HEXD: variants seen among roughly 807,000 people sequenced by gnomAD.
HEXD encodes N-acetyl-beta-galactosaminidase.
Under a neutral mutation model 54.2 loss-of-function variants are expected in HEXD, and 47 were observed. The observed-to-expected ratio is 0.87, with a 90% confidence interval of 0.69 to 1.11. The LOEUF (loss-of-function observed/expected upper bound fraction) is 1.11. HEXD is among the 50% of genes least tolerant of loss of function. The pLI is 0.00. For synonymous variants in HEXD, 293 were observed against 287.6 expected (o/e 1.02, Z -0.19); for missense variants, 576 against 649.2 (o/e 0.89, Z 1.23).
chr17:82,437,016 C>T (rs1345289114), intron 7 of HEXD, 152 bp from the exon 8 acceptor site: 22 of 739,076 alleles, frequency 3.0e-5, no homozygotes, highest in South Asian at 1.7e-4. Flanking sequence ...CCGGGCCGGC[C>T]GCATACACTC....
intron 4 of HEXD, among the ~76,000 whole-genome samples, chr17:82,432,882 T>C (rs1325725453): frequency 1.4e-5 from 2 of 144,808 alleles, no homozygotes; most frequent in East Asian, 2.2e-4. Flanking sequence ...GCTAACACGG[T>C]GAAACCCCGT....
Position 82,433,124 on chromosome 17 carries a change from ATATATT to A in HEXD, c.283-532_283-527del, listed in dbSNP as rs1460045472. ...TATATATATATATATATATATATAT[ATATATT>A]TTTTTTTTTTTTTTATATATATATT... is the stretch of plus-strand genomic sequence containing the variant. On this transcript the variant is annotated intron_variant, in intron 4 of 12. Transcript: ENST00000327949. Among the ~76,000 whole-genome samples, 20 of 16,038 alleles carry A rather than the reference ATATATT, an allele frequency of 1.2e-3. 2 individuals carry two copies. The Admixed American group carries it at 0.019, about 15-fold the overall frequency. The allele number at this position is 16,038 out of a possible 152,430, so 10.5% of individuals were successfully genotyped here.
In HEXD at chr17:82,436,733, G is replaced by A; in HGVS notation, c.698G>A (p.Gly233Asp). Residue 233 changes from glycine (G) to aspartate (D), a missense_variant, in exon 7 of 13, where the codon GGC becomes GAC. Coordinates refer to ENST00000327949, the MANE Select transcript of HEXD (RefSeq NM_001330542.2). The stretch of plus-strand genomic sequence containing the variant: ...TACACGGCCGACCTGGATGTGCACG[G>A]CAAGGGTCAGTGCCAAGTTGTGGGG... ...WDYTADLDVH[G>D]KVLLMQKYRR... The A allele has an allele frequency of 6.2e-7, 1 of 1,611,784 alleles. No individual in the cohort carries two copies. Among genetic ancestry groups the A allele is most frequent in the Non-Finnish European group, 8.5e-7 (1 of 1,179,220 alleles).
chr17:82,419,895 C>T lies in HEXD; in HGVS notation c.84+12C>T. ...CGTACCTCTCAGAGGTAAGGACTCCCTTTTACCTCTAGAGCATTACTTTTT... is the reference window on the plus strand; with the variant it reads ...CGTACCTCTCAGAGGTAAGGACTCCTTTTTACCTCTAGAGCATTACTTTTT... On this transcript the variant is annotated intron_variant, in intron 2 of 12. Transcript: ENST00000327949. 1 of 1,539,670 alleles carries T rather than the reference C, an allele frequency of 6.5e-7. No homozygotes were observed. Among genetic ancestry groups the T allele is most frequent in the Non-Finnish European group, 9.0e-7 (1 of 1,113,808 alleles).
At chr17:82,418,808 C>T (rs2053144251) in intron 1 of HEXD, 68 bp downstream of exon 1, 1 of 152,428 alleles carries the variant, frequency 6.6e-6, no homozygotes. Flanking sequence ...AGCGTTTCCC[C>T]CGCGCCAGTA....
intron 8 of HEXD, among the ~76,000 whole-genome samples, chr17:82,438,573 C>T (rs976945627): frequency 5.3e-5 from 8 of 152,228 alleles, no homozygotes; most frequent in Non-Finnish European, 7.3e-5. Flanking sequence ...AACCCCTGGT[C>T]GCCGGCCAAG....
chr17:82,429,342 A>G (rs2053511362), intron 4 of HEXD, among the ~76,000 whole-genome samples: 1 of 151,954 alleles, frequency 6.6e-6, no homozygotes, highest in African/African-American at 2.4e-5. Flanking sequence ...CACCGATTTA[A>G]TGGCTCTTAG....
rs1202649689 is a variant in HEXD, at chr17:82,434,579, T to A, written c.447+757T>A. On this transcript the variant is annotated intron_variant, in intron 5 of 12. Transcript: ENST00000327949. The surrounding 1 kb of genome is among the most constrained non-coding windows in gnomAD (Gnocchi z 4.5). ...TAGGCTGGGTGTGGTGGCTCACGCCTGTAATCCCAGCACTTTGGGAGACCA... is the reference window on the plus strand; with the variant it reads ...TAGGCTGGGTGTGGTGGCTCACGCCAGTAATCCCAGCACTTTGGGAGACCA... 6.6e-6 allele frequency among the ~76,000 whole-genome samples: 1 copy of A among 152,254 alleles called. No homozygotes were observed. The highest frequency in any genetic ancestry group is 2.4e-5 in the African/African-American group (1 of 41,472).
intron 2 of HEXD, among the ~76,000 whole-genome samples, chr17:82,423,812 C>CAAA (rs570299369): frequency 1.1e-5 from 1 of 91,240 alleles, no homozygotes; most frequent in Non-Finnish European, 2.3e-5. Context: ...GACTCCATCT[C>CAAA]AAAAAAAAAA....
At chr17:82,432,722 GGTGCCACCACACC>G (rs2053607183) in intron 4 of HEXD, among the ~76,000 whole-genome samples, 1 of 151,874 alleles carries the variant, frequency 6.6e-6, no homozygotes, top group African/African-American at 2.4e-5. Flanking sequence ...ACCACAGGCA[GGTGCCACCACACC>G]TGGCCACTTT....
chr17:82,418,558 C>T lies in HEXD; in HGVS notation c.-234C>T. On this transcript the variant is annotated 5_prime_UTR_variant, in exon 1 of 13. Coordinates refer to ENST00000327949, the MANE Select transcript of HEXD (RefSeq NM_001330542.2). ...GGGACGAACGCCGTAACAGGGAGCG[C>T]GAGGCAGGCACGGCGCAGGGACGCG... 1.2e-6 allele frequency: 1 copy of T among 839,910 alleles called. No individual in the cohort carries two copies. The highest frequency in any genetic ancestry group is 1.6e-6 in the Non-Finnish European group (1 of 621,774). 52.0% of individuals were successfully genotyped at this position (839,910 alleles called of 1,614,324 possible). A position where few individuals can be genotyped will look rare whatever the true frequency, so the allele number is the denominator to read the frequency against.
intron 4 of HEXD, among the ~76,000 whole-genome samples, chr17:82,429,560 G>C (rs6502110): frequency 0.48 from 73,023 of 151,870 alleles, 19,242 homozygotes; most frequent in East Asian, 0.9. Flanking sequence ...CTCCTGCCAC[G>C]TATCCACAGA....
chr17:82,440,971 A>C, intron 9 of HEXD, 26 bp from the exon 10 acceptor site: 1 of 1,612,492 alleles, frequency 6.2e-7, no homozygotes, highest in Non-Finnish European at 8.5e-7. Flanking sequence ...GGCCCCTCCA[A>C]CCGCCCCGCT....
chr17:82,437,625 C>CTGTGTGTG (rs5822529), intron 8 of HEXD, among the ~76,000 whole-genome samples: 1 of 150,892 alleles, frequency 6.6e-6, no homozygotes, highest in Non-Finnish European at 1.5e-5. Context: ...GCACCTGAGG[C>CTGTGTGTG]TGTGTGTGTG....
intron 4 of HEXD, among the ~76,000 whole-genome samples, chr17:82,431,054 G>A (rs189857831): frequency 7.3e-4 from 108 of 147,758 alleles, no homozygotes; most frequent in African/African-American, 2.3e-3. Context: ...GCTGGAGCGC[G>A]TGGTACAATC....
intron 4 of HEXD, among the ~76,000 whole-genome samples, chr17:82,429,481 G>A (rs917475130): frequency 2.8e-4 from 42 of 152,186 alleles, no homozygotes; most frequent in African/African-American, 9.9e-4. Context: ...CCCACAGCTC[G>A]GTCCTCCAGC....
chr17:82,435,302 C>T (rs576146876), intron 5 of HEXD, among the ~76,000 whole-genome samples: 1 of 152,310 alleles, frequency 6.6e-6, no homozygotes, highest in Admixed American at 6.5e-5. Context: ...GGGCATTCCA[C>T]GGGTACCGAG....
chr17:82,430,804 T>C (rs1321277797), intron 4 of HEXD, among the ~76,000 whole-genome samples: 1 of 152,124 alleles, frequency 6.6e-6, no homozygotes, highest in Non-Finnish European at 1.5e-5. Flanking sequence ...TCTGATGGTA[T>C]GTAATTTGCA....
In HEXD at chr17:82,441,129, C is replaced by T. The variant is rs2053936172; in HGVS notation, c.1062-36C>T. On this transcript the variant is annotated intron_variant, in intron 10 of 12. Coordinates refer to ENST00000327949, the MANE Select transcript of HEXD (RefSeq NM_001330542.2). Reference sequence around the variant, plus strand: ...CTTCTTCCCCTCCCCTTCCCCCGCCCGTGGAGACAGCTGTTCTCAGCAGGG... The same window carrying T: ...CTTCTTCCCCTCCCCTTCCCCCGCCTGTGGAGACAGCTGTTCTCAGCAGGG... The T allele has an allele frequency of 5.0e-6, 8 of 1,613,448 alleles. No homozygotes were observed. Among genetic ancestry groups the T allele is most frequent in the Non-Finnish European group, 6.8e-6 (8 of 1,180,012 alleles).
Sources: gnomAD v4.1 joint callset for allele counts (sites outside exome capture counted in the v4.1 genomes callset) on GRCh38, gnomAD v4.1.1 for gene constraint, Gnocchi (gnomAD v3.1) non-coding constraint, MANE v1.5 for transcripts, NCBI Gene and HGNC (gene_info 2026-07-23, HGNC 2026-07-21) for gene names.